The following LRRC4C variants were observed in gnomAD, a reference collection of about 807,000 sequenced individuals.
LRRC4C encodes leucine rich repeat containing 4C.
A neutral mutation model predicts 33.6 loss-of-function variants in LRRC4C; 5 were observed. The observed-to-expected ratio is 0.15, with a 90% CI of 0.08 to 0.31. LRRC4C has a LOEUF of 0.31. Among genes scored for constraint, LRRC4C ranks in the 10% least tolerant of loss-of-function variants. LRRC4C has a pLI of 1.00. For missense variants in LRRC4C, 560 were observed against 796.7 expected (o/e 0.70, Z 3.58); for synonymous variants, 329 against 302.0 (o/e 1.09, Z -0.93).
At chr11:40,970,623 G>A (rs966102833) in intron 1 of LRRC4C, among the ~76,000 whole-genome samples, 7 of 152,158 alleles carry the variant, frequency 4.6e-5, no homozygotes, top group African/African-American at 1.7e-4. Flanking sequence ...GAACAACTTT[G>A]GGACTGGGCA....
At chr11:40,275,128 C>A (rs1327484273) in intron 4 of LRRC4C, among the ~76,000 whole-genome samples, 1 of 152,054 alleles carries the variant, frequency 6.6e-6, no homozygotes, top group East Asian at 1.9e-4. Flanking sequence ...ATATTTTGAT[C>A]CCAATGAAAT....
Position 41,200,435 on chromosome 11 carries a change from T to A in LRRC4C, c.-496+258996A>T, listed in dbSNP as rs946029330. On this transcript the variant is annotated intron_variant, in intron 1 of 6. Transcript: ENST00000528697. ...ACTACAATTTTATCTGGTTCTGCAT[T>A]TTTTTCTTATTATTTTGCTTTTAGA... Among the ~76,000 whole-genome samples the A allele has an allele frequency of 4.6e-5, 7 of 152,302 alleles. No homozygotes were observed. The South Asian group carries it at 8.3e-4, about 18-fold the overall frequency.
chr11:41,142,047 T>C (rs1028848833), intron 1 of LRRC4C, among the ~76,000 whole-genome samples: 27 of 152,160 alleles, frequency 1.8e-4, no homozygotes, highest in African/African-American at 6.0e-4. Context: ...TATTTACTGG[T>C]ATATCTATAG....
At chr11:40,422,484 A>G (rs931904874) in intron 3 of LRRC4C, among the ~76,000 whole-genome samples, 18 of 152,210 alleles carry the variant, frequency 1.2e-4, no homozygotes, top group African/African-American at 4.3e-4. Context: ...TTAGCTGAAC[A>G]CATTGTCATG....
intron 2 of LRRC4C, among the ~76,000 whole-genome samples, chr11:40,759,264 T>C (rs1591643235): frequency 6.8e-6 from 1 of 147,816 alleles, no homozygotes; most frequent in African/African-American, 2.5e-5. Context: ...CTTCCATATA[T>C]ATATTATATA....
chr11:40,946,268 C>T (rs555709357), intron 1 of LRRC4C, among the ~76,000 whole-genome samples: 6 of 152,244 alleles, frequency 3.9e-5, no homozygotes, highest in African/African-American at 1.4e-4. Flanking sequence ...GACATAATTT[C>T]ATTCTTTTGT....
intron 2 of LRRC4C, among the ~76,000 whole-genome samples, chr11:40,672,297 A>G (rs1944168581): frequency 1.3e-5 from 2 of 152,094 alleles, no homozygotes; most frequent in African/African-American, 4.8e-5. Flanking sequence ...CACAAATCTC[A>G]TCCATGAGAC....
At chr11:40,372,680 G>A (rs1565324506) in intron 3 of LRRC4C, among the ~76,000 whole-genome samples, 2 of 152,128 alleles carry the variant, frequency 1.3e-5, no homozygotes. Context: ...TGCCTGGATA[G>A]GAATTTTGGG....
intron 3 of LRRC4C, among the ~76,000 whole-genome samples, chr11:40,643,195 G>C (rs938833622): frequency 1.3e-5 from 2 of 152,062 alleles, no homozygotes; most frequent in Admixed American, 1.3e-4. Flanking sequence ...CACACACACA[G>C]AGAAAAAACA....
chr11:40,764,823 C>T (rs1318887694), intron 2 of LRRC4C, among the ~76,000 whole-genome samples: 1 of 152,024 alleles, frequency 6.6e-6, no homozygotes, highest in Non-Finnish European at 1.5e-5. Context: ...TGGATTTTAC[C>T]CAAGATCACC....
intron 2 of LRRC4C, among the ~76,000 whole-genome samples, chr11:40,669,046 G>A (rs1295546628): frequency 6.6e-6 from 1 of 152,138 alleles, no homozygotes. Flanking sequence ...ATCTTAAATA[G>A]GTTTTCTATT....
chr11:40,995,668 A>G (rs1853917967), intron 1 of LRRC4C, among the ~76,000 whole-genome samples: 1 of 152,158 alleles, frequency 6.6e-6, no homozygotes, highest in African/African-American at 2.4e-5. Context: ...AAGACTAGGG[A>G]GTATCATATG....
chr11:41,375,649 C>G (rs1033839645), intron 1 of LRRC4C, among the ~76,000 whole-genome samples: 12 of 152,082 alleles, frequency 7.9e-5, no homozygotes, highest in African/African-American at 2.4e-4. Context: ...TGGATCACAT[C>G]AGGATGGTAG....
intron 5 of LRRC4C, among the ~76,000 whole-genome samples, chr11:40,182,644 T>C (rs77790955): frequency 1.1e-3 from 167 of 152,296 alleles, no homozygotes; most frequent in African/African-American, 3.8e-3. Context: ...TACAATATGA[T>C]ACAGATACAG....
At chr11:40,849,948 G>T (rs1303292432) in intron 2 of LRRC4C, among the ~76,000 whole-genome samples, 1 of 151,426 alleles carries the variant, frequency 6.6e-6, no homozygotes, top group Non-Finnish European at 1.5e-5. Context: ...TATGCTTCAT[G>T]AAGTTCTTGT....
chr11:40,699,304 G>A (rs191103349), intron 2 of LRRC4C, among the ~76,000 whole-genome samples: 101 of 152,264 alleles, frequency 6.6e-4, no homozygotes, highest in African/African-American at 2.3e-3. Flanking sequence ...CTCAGATTAC[G>A]TCTGGTACAC....
At chr11:41,359,273 T>C (rs987782824) in intron 1 of LRRC4C, among the ~76,000 whole-genome samples, 1 of 152,186 alleles carries the variant, frequency 6.6e-6, no homozygotes, top group Non-Finnish European at 1.5e-5. Flanking sequence ...GGTGGATACA[T>C]GTCATTATAT....
In LRRC4C at chr11:41,337,725, G is replaced by C. The variant is rs567942439; in HGVS notation, c.-496+121706C>G. On this transcript the variant is annotated intron_variant, in intron 1 of 6. Coordinates refer to ENST00000528697, the MANE Select transcript of LRRC4C (RefSeq NM_001258419.2). ...ACTAAAGAGCTTCTGCACAGAAAGA[G>C]AAACTATCATCAGAGTGAACCAGCA... 4.6e-5 allele frequency among the ~76,000 whole-genome samples: 7 copies of C among 152,244 alleles called. No homozygotes were observed. The East Asian group carries it at 1.4e-3, about 29-fold the overall frequency.
At chr11:40,204,343 C>T (rs1455263664) in intron 5 of LRRC4C, among the ~76,000 whole-genome samples, 3 of 152,130 alleles carry the variant, frequency 2.0e-5, no homozygotes, top group Non-Finnish European at 4.4e-5. Flanking sequence ...CTTCAGCTTG[C>T]CTAAGCCTTA....
Sources: allele counts gnomAD v4.1 joint callset (sites outside exome capture counted in the v4.1 genomes callset), GRCh38; gene constraint gnomAD v4.1.1; transcripts MANE v1.5; gene names NCBI Gene and HGNC (gene_info 2026-07-23, HGNC 2026-07-21).